BRCA1: variants seen among roughly 807,000 people sequenced by gnomAD.
BRCA1 encodes BRCA1 DNA repair associated.
A neutral mutation model predicts 173.7 loss-of-function variants in BRCA1; 140 were observed. The ratio of observed to expected loss-of-function variants is 0.81; its 90% CI spans 0.70 to 0.93. The LOEUF (loss-of-function observed/expected upper bound fraction) is 0.93, where lower values mean the gene tolerates loss of function less well. Among genes scored for constraint, BRCA1 ranks in the 40% least tolerant of loss-of-function variants. The probability of loss-of-function intolerance (pLI) is 0.00; values close to 1 mark genes in which losing one functional copy is unlikely to be tolerated. For missense variants in BRCA1, 1,983 were observed against 2,172.5 expected, an observed-to-expected ratio of 0.91 and a Z score of 1.73; for synonymous variants, 662 against 756.0, an observed-to-expected ratio of 0.88 and a Z score of 2.04.
In BRCA1 at chr17:43,093,201, TA is replaced by T. The variant is rs80357725; in HGVS notation, c.2329del (p.Tyr777MetfsTer15). The part of the protein sequence containing the change: ...SSISLVPGTD[Y>X]GTQESISLLE... Reference sequence around the variant, plus strand: ...TAACGAGATACTTTCCTGAGTGCCATAATCAGTACCAGGTACCAATGAAATA... The same window carrying T: ...TAACGAGATACTTTCCTGAGTGCCATATCAGTACCAGGTACCAATGAAATA... On this transcript the variant is annotated frameshift_variant, in exon 10 of 23. Transcript: ENST00000357654. LOFTEE classifies it high-confidence loss of function. The T allele has an allele frequency of 6.2e-7, 1 of 1,613,932 alleles. No homozygotes were observed. Among genetic ancestry groups the T allele is most frequent in the African/African-American group, 1.3e-5 (1 of 75,022 alleles).
chr17:43,126,601 C>T (rs1258692350), upstream of BRCA1, among the ~76,000 whole-genome samples: 1 of 152,204 alleles, frequency 6.6e-6, no homozygotes, highest in African/African-American at 2.4e-5. Flanking sequence ...ATGAGAGAGC[C>T]CTTCGTGTTC....
In BRCA1 at chr17:43,045,766, C is replaced by T. The variant is rs273902776; in HGVS notation, c.5504G>A (p.Arg1835Gln). 1.4e-5 allele frequency: 22 copies of T among 1,613,968 alleles called. No homozygotes were observed. Among genetic ancestry groups the T allele is most frequent in the African/African-American group, 5.3e-5 (4 of 74,886 alleles). Reference protein sequence around the residue: ...GQMCEAPVVTREWVLDSVALY... With the variant: ...GQMCEAPVVTQEWVLDSVALY... ...TGCTACACTGTCCAACACCCACTCTCGGGTCACCACAGGTGCCTCACACAT... is the reference window on the plus strand; with the variant it reads ...TGCTACACTGTCCAACACCCACTCTTGGGTCACCACAGGTGCCTCACACAT... The change falls in exon 23 of 23, where the codon CGA becomes CAA. Residue 1835 changes from arginine to glutamine, a missense_variant. Coordinates refer to ENST00000357654, the MANE Select transcript of BRCA1 (RefSeq NM_007294.4).
intron 1 of BRCA1, among the ~76,000 whole-genome samples, chr17:43,151,576 G>GT (rs567513959): frequency 3.9e-5 from 6 of 151,928 alleles, no homozygotes; most frequent in Admixed American, 3.3e-4. Context: ...TGTGCTAAAA[G>GT]TTTTTTTTCC....
intron 15 of BRCA1, among the ~76,000 whole-genome samples, chr17:43,067,989 A>G (rs2153732660): frequency 6.6e-6 from 1 of 151,514 alleles, no homozygotes. Flanking sequence ...AAGACACCTG[A>G]AGTCTCGGCT....
chr17:43,102,394 G>T (rs2054520402), intron 6 of BRCA1, among the ~76,000 whole-genome samples: 1 of 114,806 alleles, frequency 8.7e-6, no homozygotes, highest in Non-Finnish European at 1.7e-5. Flanking sequence ...GTCTCGCTCT[G>T]TCGCCAGGCT....
At chr17:43,119,500 G>C (rs1490384341) in intron 2 of BRCA1, among the ~76,000 whole-genome samples, 3 of 152,066 alleles carry the variant, frequency 2.0e-5, no homozygotes, top group South Asian at 2.1e-4. Context: ...TCCTTCTCTT[G>C]CCATTCACCC....
At chr17:43,104,343 T>C in intron 5 of BRCA1, 82 bp from the exon 6 acceptor site, 1 of 1,429,294 alleles carries the variant, frequency 7.0e-7, no homozygotes, top group Middle Eastern at 2.4e-4. Flanking sequence ...AGAGAAACCC[T>C]ATGTATGCTC....
In BRCA1 at chr17:43,092,943, A is replaced by G. The variant is rs757440752; in HGVS notation, c.2588T>C (p.Val863Ala). The G allele has an allele frequency of 6.2e-7, 1 of 1,613,800 alleles. No homozygotes were observed. Among genetic ancestry groups the G allele is most frequent in the Non-Finnish European group, 8.5e-7 (1 of 1,179,934 alleles). The stretch of plus-strand genomic sequence containing the variant: ...CGGAGCAAATGACTGGCGCTTTGAA[A>G]CCTTGAATGTATTCTGCAAATACTG... ...DAQYLQNTFK[V>A]SKRQSFAPFS... Residue 863 changes from valine to alanine, a missense_variant, in exon 10 of 23, where the codon GTT becomes GCT. Val to Ala is a moderately conservative substitution (Grantham distance 64). Coordinates refer to ENST00000357654, the MANE Select transcript of BRCA1 (RefSeq NM_007294.4).
chr17:43,090,184 T>C (rs1358326362), intron 11 of BRCA1, among the ~76,000 whole-genome samples: 1 of 152,134 alleles, frequency 6.6e-6, no homozygotes, highest in Non-Finnish European at 1.5e-5. Flanking sequence ...CTGGCAATAA[T>C]ATTGGTGAGA....
intron 16 of BRCA1, among the ~76,000 whole-genome samples, chr17:43,064,344 GA>G (rs565786952): frequency 5.9e-5 from 9 of 152,308 alleles, no homozygotes; most frequent in African/African-American, 2.2e-4. Context: ...TGTGAAAGAA[GA>G]AAACAGTATT....
At chr17:43,107,589 C>T (rs2054853737) in intron 3 of BRCA1, among the ~76,000 whole-genome samples, 2 of 152,026 alleles carry the variant, frequency 1.3e-5, no homozygotes, top group South Asian at 4.1e-4. Flanking sequence ...TAGTCTTGAA[C>T]TCCTGGCCTC....
chr17:43,126,133 C>T (rs193175876), upstream of BRCA1, among the ~76,000 whole-genome samples: 1 of 152,340 alleles, frequency 6.6e-6, no homozygotes, highest in East Asian at 1.9e-4. Context: ...ACGCAGTGAG[C>T]GCCGAATTTG....
chr17:43,054,211 C>A (rs934596293), intron 19 of BRCA1, among the ~76,000 whole-genome samples: 4 of 152,192 alleles, frequency 2.6e-5, no homozygotes, highest in African/African-American at 4.8e-5. Context: ...GACTGGCTCA[C>A]ATGGCGCTCC....
intron 1 of BRCA1, among the ~76,000 whole-genome samples, chr17:43,150,773 A>T (rs374305295): frequency 6.6e-6 from 1 of 152,134 alleles, no homozygotes. Context: ...AAAATTTTGC[A>T]GCTTGGAAGT....
intron 6 of BRCA1, among the ~76,000 whole-genome samples, chr17:43,102,288 G>C (rs562419872): frequency 1.3e-5 from 2 of 149,482 alleles, no homozygotes; most frequent in East Asian, 4.0e-4. Flanking sequence ...AGCCAGGATA[G>C]TCTTGATCTC....
Position 43,094,427 on chromosome 17 carries a change from T to A in BRCA1, c.1104A>T (p.Glu368Asp), listed in dbSNP as rs2154475859. ...LPCSENPRDT[E>D]DVPWITLNSS... ...TATTTAGTGTTATCCAAGGAACATC[T>A]TCAGTATCTCTAGGATTCTCTGAGC... Residue 368 changes from glutamate (E) to aspartate (D), a missense_variant, in exon 10 of 23, where the codon GAA becomes GAT. Coordinates refer to ENST00000357654, the MANE Select transcript of BRCA1 (RefSeq NM_007294.4). 1.2e-6 allele frequency: 2 copies of A among 1,614,172 alleles called. No homozygotes were observed. Among genetic ancestry groups the A allele is most frequent in the South Asian group, 2.2e-5 (2 of 91,084 alleles).
chr17:43,158,650 T>G (rs537688746), intron 1 of BRCA1, among the ~76,000 whole-genome samples: 3 of 152,252 alleles, frequency 2.0e-5, no homozygotes, highest in African/African-American at 7.2e-5. Context: ...GAAGAACTAA[T>G]GTAGTTTATT....
intron 6 of BRCA1, among the ~76,000 whole-genome samples, chr17:43,101,791 T>C (rs2054488052): frequency 6.6e-6 from 1 of 151,850 alleles, no homozygotes; most frequent in African/African-American, 2.4e-5. Flanking sequence ...TGCAAGCTAC[T>C]ACGCCCAGCC....
At chr17:43,118,675 A>C (rs1041517935) in intron 2 of BRCA1, among the ~76,000 whole-genome samples, 4 of 151,948 alleles carry the variant, frequency 2.6e-5, no homozygotes, top group Non-Finnish European at 5.9e-5. Context: ...GGCATCAAGC[A>C]ATCTTCCTGC....
Sources: allele counts gnomAD v4.1 joint callset (sites outside exome capture counted in the v4.1 genomes callset), GRCh38; gene constraint gnomAD v4.1.1; transcripts MANE v1.5; gene names NCBI Gene and HGNC (gene_info 2026-07-23, HGNC 2026-07-21).